Variants in RBFOX1 observed in about 807,000 individuals in gnomAD.
RBFOX1 encodes RNA binding protein fox-1 homolog 1.
A neutral mutation model predicts 57.7 loss-of-function variants in RBFOX1; 8 were observed. The observed-to-expected ratio is 0.14, with a 90% CI of 0.08 to 0.25. The LOEUF is 0.25. Ranked by LOEUF, RBFOX1 falls within the 10% of genes least tolerant of loss-of-function variation. RBFOX1 has a pLI of 1.00. For missense variants in RBFOX1, 611 were observed against 548.5 expected, an observed-to-expected ratio of 1.11 and a Z score of -1.14; for synonymous variants, 326 against 222.4, an observed-to-expected ratio of 1.47 and a Z score of -4.15.
chr16:6,663,952 C>A (rs2098716668), intron 3 of RBFOX1, among the ~76,000 whole-genome samples: 1 of 152,174 alleles, frequency 6.6e-6, no homozygotes, highest in Non-Finnish European at 1.5e-5. Context: ...TCAAAGCAGG[C>A]AAAGGCTAAT....
chr16:7,010,451 G>T (rs371195439), intron 3 of RBFOX1, among the ~76,000 whole-genome samples: 1 of 152,150 alleles, frequency 6.6e-6, no homozygotes, highest in Non-Finnish European at 1.5e-5. Context: ...GACCGAGTCC[G>T]TGAGCATCCG....
Position 6,913,487 on chromosome 16 carries a change from C to T in RBFOX1, c.-15-138570C>T, listed in dbSNP as rs142355610. 5.4e-3 allele frequency among the ~76,000 whole-genome samples: 818 copies of T among 152,258 alleles called. 10 individuals are homozygous for T. The highest frequency in any genetic ancestry group is 0.018 in the African/African-American group (744 of 41,558). ...GTTGCCATCGGCCTTCTTCACACCC[C>T]CACAACCCTCGGCCCCATCATCTGC... On this transcript the variant is annotated intron_variant, in intron 3 of 15. Transcript: ENST00000550418.
chr16:7,119,606 A>G (rs148693302), intron 4 of RBFOX1, among the ~76,000 whole-genome samples: 1 of 152,128 alleles, frequency 6.6e-6, no homozygotes, highest in Non-Finnish European at 1.5e-5. Flanking sequence ...CCACCCAGAC[A>G]TACAGGAGGA....
chr16:6,508,172 A>G (rs1013256229), intron 2 of RBFOX1, among the ~76,000 whole-genome samples: 1 of 152,170 alleles, frequency 6.6e-6, no homozygotes, highest in African/African-American at 2.4e-5. Flanking sequence ...ATGAGAACGC[A>G]TGGACACATA....
chr16:5,418,590 G>T (rs375686191), intron 1 of RBFOX1, among the ~76,000 whole-genome samples: 2 of 152,222 alleles, frequency 1.3e-5, no homozygotes, highest in African/African-American at 4.8e-5. Context: ...ATGTGAACCA[G>T]TTTATGGATT....
At chr16:5,935,064 A>C (rs1356669721) in intron 4 of RBFOX1, among the ~76,000 whole-genome samples, 1 of 152,210 alleles carries the variant, frequency 6.6e-6, no homozygotes, top group Admixed American at 6.5e-5. Flanking sequence ...CTCAGCTTTT[A>C]AGAGAATTCA....
chr16:6,952,649 CA>C (rs928368081), intron 3 of RBFOX1, among the ~76,000 whole-genome samples: 2 of 150,066 alleles, frequency 1.3e-5, no homozygotes, highest in Non-Finnish European at 3.0e-5. Flanking sequence ...CTCCTCCCTC[CA>C]AAAAAAAGAA....
intron 3 of RBFOX1, among the ~76,000 whole-genome samples, chr16:5,762,059 G>C (rs2053613727): frequency 6.6e-6 from 1 of 152,086 alleles, no homozygotes; most frequent in African/African-American, 2.4e-5. Flanking sequence ...AAAGGGGAAT[G>C]GAAATAAAAA....
chr16:6,102,123 C>T (rs1289099085), intron 1 of RBFOX1, among the ~76,000 whole-genome samples: 2 of 146,620 alleles, frequency 1.4e-5, no homozygotes, highest in African/African-American at 5.1e-5. Context: ...TTCTGAACAG[C>T]AGTATGAGTT....
chr16:7,221,315 T>C (rs1274849732), intron 4 of RBFOX1, among the ~76,000 whole-genome samples: 9 of 151,752 alleles, frequency 5.9e-5, no homozygotes, highest in Admixed American at 5.9e-4. Flanking sequence ...ATATTAACTT[T>C]TGACTTGTTT....
intron 2 of RBFOX1, among the ~76,000 whole-genome samples, chr16:6,510,059 C>T (rs2096218736): frequency 6.6e-6 from 1 of 152,172 alleles, no homozygotes. Context: ...TATCAGGCTC[C>T]TGTCTTCCTA....
chr16:7,133,178 C>G (rs1434007645), intron 4 of RBFOX1, among the ~76,000 whole-genome samples: 1 of 152,064 alleles, frequency 6.6e-6, no homozygotes, highest in African/African-American at 2.4e-5. Context: ...ATCAGATTCT[C>G]AATGTTTTTG....
chr16:6,876,583 C>T (rs1046723655), intron 3 of RBFOX1, among the ~76,000 whole-genome samples: 1 of 151,890 alleles, frequency 6.6e-6, no homozygotes, highest in Non-Finnish European at 1.5e-5. Flanking sequence ...TGTGAGAAAC[C>T]TTGGACTTTA....
chr16:7,341,312 C>T (rs1238738232), intron 4 of RBFOX1, among the ~76,000 whole-genome samples: 2 of 152,090 alleles, frequency 1.3e-5, no homozygotes, highest in East Asian at 3.9e-4. Context: ...CTAGATTGAG[C>T]TTTTCAGGCT....
At chr16:6,258,596 T>C (rs889329162) in intron 1 of RBFOX1, among the ~76,000 whole-genome samples, 4 of 152,196 alleles carry the variant, frequency 2.6e-5, no homozygotes, top group African/African-American at 9.6e-5. Context: ...CTGAATACCT[T>C]CCATGGCCCA....
chr16:6,492,788 G>A (rs746437664), intron 2 of RBFOX1, among the ~76,000 whole-genome samples: 1 of 152,164 alleles, frequency 6.6e-6, no homozygotes, highest in Non-Finnish European at 1.5e-5. Context: ...TTGCCTGGAT[G>A]TAAAACTACA....
chr16:6,980,061 C>T (rs1172569034), intron 3 of RBFOX1, among the ~76,000 whole-genome samples: 2 of 152,146 alleles, frequency 1.3e-5, no homozygotes, highest in African/African-American at 2.4e-5. Flanking sequence ...GGATATATAA[C>T]CGCATGGCAC....
intron 11 of RBFOX1, among the ~76,000 whole-genome samples, chr16:7,644,716 T>G (rs568631046): frequency 1.3e-5 from 2 of 152,288 alleles, no homozygotes; most frequent in African/African-American, 2.4e-5. Context: ...AGGACATCCC[T>G]ATAGAGAGAT....
chr16:6,051,286 C>G (rs973624135), intron 1 of RBFOX1, among the ~76,000 whole-genome samples: 1 of 151,954 alleles, frequency 6.6e-6, no homozygotes, highest in South Asian at 2.1e-4. Context: ...TAATCGGCCT[C>G]TCCATCCATC....
Sources: gnomAD v4.1 joint callset for allele counts (sites outside exome capture counted in the v4.1 genomes callset) on GRCh38, gnomAD v4.1.1 for gene constraint, MANE v1.5 for transcripts, NCBI Gene and HGNC (gene_info 2026-07-23, HGNC 2026-07-21) for gene names.